RABGAP1L: variants seen among roughly 807,000 people sequenced by gnomAD.
RABGAP1L encodes rab GTPase-activating protein 1-like.
In RABGAP1L, 63 loss-of-function variants were observed where a neutral mutation model predicts 137.7. That is an observed-to-expected ratio of 0.46 (90% CI 0.37 to 0.56). The LOEUF is 0.56. Among genes scored for constraint, RABGAP1L ranks in the 20% least tolerant of loss-of-function variants. The probability of loss-of-function intolerance (pLI) is 0.00; values close to 1 mark genes in which losing one functional copy is unlikely to be tolerated. For missense variants in RABGAP1L, 1,095 were observed against 1,244.0 expected (o/e 0.88, Z 1.80); for synonymous variants, 431 against 433.7 (o/e 0.99, Z 0.08).
chr1:174,186,216 C>T (rs1262857682), intron 1 of RABGAP1L, among the ~76,000 whole-genome samples: 2 of 151,342 alleles, frequency 1.3e-5, no homozygotes, highest in Non-Finnish European at 2.9e-5. Flanking sequence ...ACTTCTAGTG[C>T]TTTTTGGGCG....
intron 1 of RABGAP1L, among the ~76,000 whole-genome samples, chr1:174,171,936 G>A (rs1358542439): frequency 6.6e-6 from 1 of 152,214 alleles, no homozygotes; most frequent in African/African-American, 2.4e-5. Context: ...GGGAGGCGGA[G>A]GTTGCAGTGA....
intron 18 of RABGAP1L, among the ~76,000 whole-genome samples, chr1:174,809,298 C>T (rs1411081339): frequency 6.6e-6 from 1 of 152,150 alleles, no homozygotes; most frequent in Non-Finnish European, 1.5e-5. Flanking sequence ...TTCTCGTGTC[C>T]AGAGACTTAA....
At chr1:174,772,350 G>A (rs908417674) in intron 18 of RABGAP1L, among the ~76,000 whole-genome samples, 1 of 151,944 alleles carries the variant, frequency 6.6e-6, no homozygotes, top group African/African-American at 2.4e-5. Flanking sequence ...GGCCAAGGTG[G>A]GTGGATCACC....
chr1:174,629,920 A>G (rs985727968), intron 13 of RABGAP1L, among the ~76,000 whole-genome samples: 22 of 152,208 alleles, frequency 1.4e-4, no homozygotes, highest in South Asian at 4.1e-4. Flanking sequence ...ATAGAAAAAA[A>G]TTACTCAGTA....
rs180809516 is a variant in RABGAP1L, at chr1:174,543,725, G to A, written c.1711-93650G>A. ...TACCATTTGGCATGTTTTTGCAGTG[G>A]CTGGTACCAGTTGTTCCTTTCCATG... is the stretch of plus-strand genomic sequence containing the variant. On this transcript the variant is annotated intron_variant, in intron 13 of 25. Coordinates refer to ENST00000681986, the MANE Select transcript of RABGAP1L (RefSeq NM_001366446.1). 2.8e-3 allele frequency among the ~76,000 whole-genome samples: 433 copies of A among 152,288 alleles called. 5 individuals carry two copies. The highest frequency in any genetic ancestry group is 9.8e-3 in the African/African-American group (406 of 41,560).
chr1:174,406,585 G>A (rs1410489044), intron 13 of RABGAP1L, among the ~76,000 whole-genome samples: 2 of 151,972 alleles, frequency 1.3e-5, no homozygotes, highest in African/African-American at 2.4e-5. Context: ...TTAATTATAC[G>A]ACTGCCTTGT....
intron 1 of RABGAP1L, among the ~76,000 whole-genome samples, chr1:174,200,045 T>G (rs1412431983): frequency 6.6e-6 from 1 of 152,254 alleles, no homozygotes; most frequent in Non-Finnish European, 1.5e-5. Flanking sequence ...CATTAAGATT[T>G]GAGATTTTCG....
chr1:174,565,613 T>C (rs1255807231), intron 13 of RABGAP1L, among the ~76,000 whole-genome samples: 3 of 152,174 alleles, frequency 2.0e-5, no homozygotes, highest in Non-Finnish European at 4.4e-5. Flanking sequence ...AGGTTTTCAC[T>C]GTCTGGACTT....
chr1:174,698,801 AAAT>A (rs1384862427), intron 15 of RABGAP1L, among the ~76,000 whole-genome samples: 1 of 152,150 alleles, frequency 6.6e-6, no homozygotes, highest in Non-Finnish European at 1.5e-5. Context: ...GGATGGGACA[AAAT>A]AAAATTAAAA....
chr1:174,673,963 C>T (rs781483734), intron 14 of RABGAP1L, among the ~76,000 whole-genome samples: 1 of 151,956 alleles, frequency 6.6e-6, no homozygotes, highest in Non-Finnish European at 1.5e-5. Flanking sequence ...AGTATGTCTT[C>T]CTCAAGGAAA....
chr1:174,674,688 GT>G (rs1677460181), intron 14 of RABGAP1L, among the ~76,000 whole-genome samples: 1 of 150,938 alleles, frequency 6.6e-6, no homozygotes, highest in South Asian at 2.1e-4. Flanking sequence ...GGTTGAACTA[GT>G]TTACAGTCCC....
chr1:174,499,751 T>C (rs1200542886), intron 13 of RABGAP1L, among the ~76,000 whole-genome samples: 1 of 152,224 alleles, frequency 6.6e-6, no homozygotes, highest in African/African-American at 2.4e-5. Context: ...TTGCTAATTG[T>C]AGCAATGACA....
At chr1:174,780,102 A>T (rs1489852144) in intron 18 of RABGAP1L, among the ~76,000 whole-genome samples, 1 of 119,844 alleles carries the variant, frequency 8.3e-6, no homozygotes, top group Non-Finnish European at 2.1e-5. Context: ...AAATAAATAA[A>T]TAAATAAATA....
chr1:174,718,837 C>CTTT (rs11337437), intron 17 of RABGAP1L, among the ~76,000 whole-genome samples: 2 of 106,416 alleles, frequency 1.9e-5, no homozygotes, highest in Admixed American at 1.0e-4. Context: ...TTTTCTTTTC[C>CTTT]TTTTTTTTTT....
intron 16 of RABGAP1L, among the ~76,000 whole-genome samples, chr1:174,701,743 C>CAA (rs34027614): frequency 0.032 from 4,221 of 133,038 alleles, 89 homozygotes; most frequent in Middle Eastern, 0.083. Flanking sequence ...ACTCTTATCT[C>CAA]AAAAAAAAAA....
chr1:174,246,677 A>C (rs1039600915), intron 5 of RABGAP1L, among the ~76,000 whole-genome samples: 7 of 152,212 alleles, frequency 4.6e-5, no homozygotes, highest in African/African-American at 1.7e-4. Flanking sequence ...TGTGTAGGCT[A>C]TATGGAATAT....
At chr1:174,881,589 T>A (rs1233999900) in intron 19 of RABGAP1L, among the ~76,000 whole-genome samples, 2 of 143,262 alleles carry the variant, frequency 1.4e-5, no homozygotes, top group Admixed American at 1.5e-4. Context: ...AACCTTCGCC[T>A]CCTGGGTTCA....
intron 13 of RABGAP1L, among the ~76,000 whole-genome samples, chr1:174,453,923 A>G (rs1655731182): frequency 6.6e-6 from 1 of 152,148 alleles, no homozygotes; most frequent in African/African-American, 2.4e-5. Flanking sequence ...TACAATGAGC[A>G]TTGGTAAAAA....
At chr1:174,711,232 C>T (rs1355401318) in intron 17 of RABGAP1L, among the ~76,000 whole-genome samples, 1 of 152,164 alleles carries the variant, frequency 6.6e-6, no homozygotes, top group Non-Finnish European at 1.5e-5. Context: ...TCCACACCTC[C>T]CTGCAAGCTG....
Sources: gnomAD v4.1 joint callset for allele counts (sites outside exome capture counted in the v4.1 genomes callset) on GRCh38, gnomAD v4.1.1 for gene constraint, MANE v1.5 for transcripts, NCBI Gene and HGNC (gene_info 2026-07-23, HGNC 2026-07-21) for gene names.